RPS6KA1: variants seen among roughly 807,000 people sequenced by gnomAD.
RPS6KA1 encodes ribosomal protein S6 kinase A1.
Under a neutral mutation model 91.3 loss-of-function variants are expected in RPS6KA1, and 48 were observed. The ratio of observed to expected loss-of-function variants is 0.53; its 90% confidence interval spans 0.42 to 0.67. The LOEUF (loss-of-function observed/expected upper bound fraction) is 0.67. Among genes scored for constraint, RPS6KA1 ranks in the 30% least tolerant of loss-of-function variants. The pLI is 0.00. For missense variants in RPS6KA1, 719 were observed against 960.5 expected, an observed-to-expected ratio of 0.75 and a Z score of 3.32; for synonymous variants, 359 against 384.7, an observed-to-expected ratio of 0.93 and a Z score of 0.78.
At chr1:26,542,606 C>T (rs552820010) in intron 2 of RPS6KA1, among the ~76,000 whole-genome samples, 2 of 152,288 alleles carry the variant, frequency 1.3e-5, no homozygotes, top group South Asian at 2.1e-4. Context: ...GCTTTCTGCC[C>T]GCCTTACCCA....
intron 15 of RPS6KA1, 68 bp downstream of exon 15, chr1:26,560,919 G>A (rs1444130899): frequency 6.2e-7 from 1 of 1,610,482 alleles, no homozygotes; most frequent in South Asian, 1.1e-5. Flanking sequence ...TGGTGGGGAG[G>A]GATGGTGCCT....
chr1:26,548,783 G>A (rs776175763), intron 4 of RPS6KA1, among the ~76,000 whole-genome samples: 1 of 150,448 alleles, frequency 6.6e-6, no homozygotes, highest in African/African-American at 2.5e-5. Context: ...TGGGCGATGA[G>A]AGCGAAACTC....
Position 26,557,047 on chromosome 1 carries a change from A to G in RPS6KA1, c.1031A>G (p.Gln344Arg). The G allele has an allele frequency of 1.2e-6, 2 of 1,614,174 alleles. No individual in the cohort carries two copies. Among genetic ancestry groups the G allele is most frequent in the Non-Finnish European group, 8.5e-7 (1 of 1,180,020 alleles). ...IKPPFKPAVA[Q>R]PDDTFYFDTE... The stretch of plus-strand genomic sequence containing the variant: ...CCACCCTTCAAGCCAGCAGTGGCTC[A>G]GCCTGATGACACCTTCTACTTTGAC... Residue 344 changes from glutamine (Q) to arginine (R), a missense_variant, in exon 13 of 22, where the codon CAG becomes CGG. Gln to Arg is a conservative substitution (Grantham distance 43). Transcript: ENST00000374168.
At chr1:26,546,118 C>T in intron 2 of RPS6KA1, 4 of 1,522,420 alleles carry the variant, frequency 2.6e-6, no homozygotes, top group Non-Finnish European at 3.6e-6. Flanking sequence ...CATAAGCTGG[C>T]TTTGGGCTGT....
At chr1:26,530,782 C>T (rs910748400) in intron 1 of RPS6KA1, 1 of 1,288,200 alleles carries the variant, frequency 7.8e-7, no homozygotes, top group Non-Finnish European at 1.0e-6. Flanking sequence ...TCTGTGGCTC[C>T]AGTCCCTAAG....
rs1570446403 is a variant in RPS6KA1 at position 26,556,824 on chromosome 1, G to C, written c.981+106G>C. The C allele has an allele frequency of 2.9e-6, 4 of 1,386,724 alleles. No individual in the cohort carries two copies. The East Asian group carries it at 9.2e-5, about 32-fold the overall frequency. The allele number at this position is 1,386,724 out of a possible 1,614,324, so 85.9% of individuals were successfully genotyped here. A position where few individuals can be genotyped will look rare whatever the true frequency, so the allele number is the denominator to read the frequency against. On this transcript the variant is annotated intron_variant, in intron 12 of 21. Transcript: ENST00000374168. ...CTGCCAGCGAGGGCCCCAGACGCAG[G>C]AGCAGAGGGTCACAGCCTGCCCTTG...
chr1:26,553,531 C>A, intron 7 of RPS6KA1, 34 bp downstream of exon 7: 2 of 1,412,302 alleles, frequency 1.4e-6, no homozygotes, highest in Non-Finnish European at 2.0e-6. Flanking sequence ...CCCAGCCTCC[C>A]CAGGGGAGGC....
At chr1:26,533,385 T>C (rs1024500041) in intron 1 of RPS6KA1, among the ~76,000 whole-genome samples, 4 of 152,076 alleles carry the variant, frequency 2.6e-5, no homozygotes, top group African/African-American at 9.7e-5. Flanking sequence ...CATGAGCCAC[T>C]GCGCCTGGCC....
intron 2 of RPS6KA1, among the ~76,000 whole-genome samples, chr1:26,542,712 G>A (rs150146616): frequency 6.6e-6 from 1 of 152,096 alleles, no homozygotes; most frequent in Non-Finnish European, 1.5e-5. Flanking sequence ...CTGCCATTGT[G>A]GGTGGGCATA....
At chr1:26,560,591 C>T in intron 14 of RPS6KA1, 135 bp from the exon 15 acceptor site, 1 of 1,125,372 alleles carries the variant, frequency 8.9e-7, no homozygotes, top group Middle Eastern at 2.8e-4. Flanking sequence ...CCTGCGGTCA[C>T]ATGGCCAACA....
rs2124671998 is a variant in RPS6KA1, at chr1:26,571,030, G to A, written c.1591-419G>A. Reference sequence around the variant, plus strand: ...CCCAGCTACTTGGGAGCTGAGGCAGGAGAATTGCTTGAACCCGGGAGGCGG... The same window carrying A: ...CCCAGCTACTTGGGAGCTGAGGCAGAAGAATTGCTTGAACCCGGGAGGCGG... On this transcript the variant is annotated intron_variant, in intron 17 of 21. Coordinates refer to ENST00000374168, the MANE Select transcript of RPS6KA1 (RefSeq NM_002953.4). The surrounding 1 kb of genome is among the most constrained non-coding windows in gnomAD (Gnocchi z 5.1). 6.6e-6 allele frequency among the ~76,000 whole-genome samples: 1 copy of A among 152,292 alleles called. No individual in the cohort carries two copies. Among genetic ancestry groups the A allele is most frequent in the East Asian group, 1.9e-4 (1 of 5,170 alleles).
intron 17 of RPS6KA1, among the ~76,000 whole-genome samples, chr1:26,564,848 G>A (rs1368100219): frequency 1.3e-5 from 2 of 152,316 alleles, no homozygotes; most frequent in African/African-American, 2.4e-5. Context: ...ATTTAAACAT[G>A]TCAGGTCAGA....
chr1:26,538,902 G>A (rs548205629), intron 2 of RPS6KA1, among the ~76,000 whole-genome samples: 2 of 152,272 alleles, frequency 1.3e-5, no homozygotes, highest in East Asian at 3.9e-4. Flanking sequence ...CCTGTGGTCC[G>A]GACCTCATCA....
chr1:26,541,304 C>T (rs906492925), intron 2 of RPS6KA1, among the ~76,000 whole-genome samples: 17 of 149,652 alleles, frequency 1.1e-4, no homozygotes, highest in African/African-American at 3.9e-4. Context: ...CCTGTAATCC[C>T]AGCACTTTGG....
chr1:26,563,896 G>T (rs1470843568), intron 17 of RPS6KA1, among the ~76,000 whole-genome samples: 1 of 152,092 alleles, frequency 6.6e-6, no homozygotes, highest in African/African-American at 2.4e-5. Context: ...GCCAAGATGG[G>T]CAGATCACTT....
At chr1:26,550,697 C>A (rs1448998725) in intron 4 of RPS6KA1, among the ~76,000 whole-genome samples, 3 of 152,044 alleles carry the variant, frequency 2.0e-5, no homozygotes, top group Non-Finnish European at 4.4e-5. Flanking sequence ...AGAAGGCAAC[C>A]TGAAAAAGAG....
chr1:26,572,347 T>C, intron 20 of RPS6KA1, 54 bp downstream of exon 20: 1 of 1,221,232 alleles, frequency 8.2e-7, no homozygotes, highest in Non-Finnish European at 1.2e-6. Context: ...CAGGGTCCCA[T>C]CCTAGGGCTT....
At position 26,565,239 on chromosome 1, in the gene RPS6KA1, G is replaced by A. The variant is rs190665958; in HGVS notation, c.1590+3576G>A. The stretch of plus-strand genomic sequence containing the variant: ...TTGGTTTGTCAGCAGCAGTAGCTGT[G>A]GTCTGTAAGCTGGGAATCCCACAGG... On this transcript the variant is annotated intron_variant, in intron 17 of 21. Coordinates refer to ENST00000374168, the MANE Select transcript of RPS6KA1 (RefSeq NM_002953.4). Among the ~76,000 whole-genome samples the A allele has an allele frequency of 3.5e-3, 540 of 152,298 alleles. 5 individuals are homozygous for A. The highest frequency in any genetic ancestry group is 0.012 in the African/African-American group (506 of 41,558).
Position 26,540,044 on chromosome 1 carries a change from A to T in RPS6KA1, c.108+3075A>T, listed in dbSNP as rs537293894. On this transcript the variant is annotated intron_variant, in intron 2 of 21. Coordinates refer to ENST00000374168, the MANE Select transcript of RPS6KA1 (RefSeq NM_002953.4). The surrounding 1 kb of genome is among the most constrained non-coding windows in gnomAD (Gnocchi z 4.2). ...TTGGGCAGCCTCAGGTGTTGGGAGG[A>T]ACTTCCCTTGGCCTGGTCAGAGAAG... Among the ~76,000 whole-genome samples the T allele has an allele frequency of 6.6e-6, 1 of 152,258 alleles. No individual in the cohort carries two copies. The highest frequency in any genetic ancestry group is 1.9e-4 in the East Asian group (1 of 5,186).
Sources: gnomAD v4.1 joint callset for allele counts (sites outside exome capture counted in the v4.1 genomes callset) on GRCh38, gnomAD v4.1.1 for gene constraint, Gnocchi (gnomAD v3.1) non-coding constraint, MANE v1.5 for transcripts, NCBI Gene and HGNC (gene_info 2026-07-23, HGNC 2026-07-21) for gene names.